GMDS: variants seen among roughly 807,000 people sequenced by gnomAD.
The protein encoded by GMDS is GDP-mannose 4,6-dehydratase.
Under a neutral mutation model 49.9 loss-of-function variants are expected in GMDS, and 20 were observed. That is an observed-to-expected ratio of 0.40 (90% confidence interval 0.28 to 0.58). The LOEUF is 0.58. GMDS is among the 20% of genes least tolerant of loss of function. The pLI, the probability that GMDS is intolerant of heterozygous loss-of-function variation, is 0.42. For synonymous variants in GMDS, 177 were observed against 178.6 expected (o/e 0.99, Z 0.07); for missense variants, 362 against 481.4 (o/e 0.75, Z 2.32).
At chr6:2,145,401 G>C (rs1273596460) in intron 1 of GMDS, among the ~76,000 whole-genome samples, 1 of 152,012 alleles carries the variant, frequency 6.6e-6, no homozygotes, top group Admixed American at 6.5e-5. Flanking sequence ...AGCCGGGCGT[G>C]GTGGTGGATG....
chr6:1,637,389 G>T (rs11967512), intron 9 of GMDS, among the ~76,000 whole-genome samples: 4,593 of 152,330 alleles, frequency 0.03, 204 homozygotes, highest in African/African-American at 0.1. Flanking sequence ...CTCAGTTCTG[G>T]TGTGCTGAAC....
chr6:1,946,610 G>T (rs1763085024), intron 6 of GMDS, among the ~76,000 whole-genome samples: 1 of 152,170 alleles, frequency 6.6e-6, no homozygotes, highest in South Asian at 2.1e-4. Context: ...AAGAATTTGT[G>T]TTTAAAAATT....
chr6:1,719,673 T>A (rs1190920524), intron 9 of GMDS, among the ~76,000 whole-genome samples: 2 of 151,178 alleles, frequency 1.3e-5, no homozygotes, highest in Non-Finnish European at 2.9e-5. Flanking sequence ...ACAGAGGTCA[T>A]CGGCCAAAGA....
At chr6:1,702,630 A>T (rs1002484493) in intron 9 of GMDS, among the ~76,000 whole-genome samples, 7 of 152,236 alleles carry the variant, frequency 4.6e-5, no homozygotes, top group Admixed American at 2.0e-4. Context: ...CTGTGGTGGC[A>T]TTAATACTAC....
At chr6:1,845,284 T>C (rs898137626) in intron 7 of GMDS, among the ~76,000 whole-genome samples, 1 of 152,174 alleles carries the variant, frequency 6.6e-6, no homozygotes, top group Admixed American at 6.5e-5. Flanking sequence ...GTGTAATGGG[T>C]TTCACGGTCA....
In GMDS at chr6:2,141,865, G is replaced by GCTCTCTCTCT. The variant is rs67628075; in HGVS notation, c.103-17144_103-17135dup. On this transcript the variant is annotated intron_variant, in intron 1 of 10. Coordinates refer to ENST00000380815, the MANE Select transcript of GMDS (RefSeq NM_001500.4). ...TCTGGGTTTGGTTTTGGTTGTGCGT[G>GCTCTCTCTCT]CTCTCTCTCTCTCTCTCTCTCTCTC... Among the ~76,000 whole-genome samples the GCTCTCTCTCT allele has an allele frequency of 3.2e-3, 459 of 145,684 alleles. 2 individuals are homozygous for GCTCTCTCTCT. The highest frequency in any genetic ancestry group is 0.011 in the African/African-American group (423 of 38,656).
intron 9 of GMDS, among the ~76,000 whole-genome samples, chr6:1,680,427 C>A (rs528378620): frequency 6.6e-6 from 1 of 152,346 alleles, no homozygotes; most frequent in South Asian, 2.1e-4. Flanking sequence ...CCCCAACTAT[C>A]AGCATTTGCC....
chr6:2,154,710 G>GC (rs1777014970), intron 1 of GMDS, among the ~76,000 whole-genome samples: 1 of 151,524 alleles, frequency 6.6e-6, no homozygotes, highest in African/African-American at 2.4e-5. Flanking sequence ...ATAAACATAT[G>GC]CCCAGATATG....
chr6:1,739,622 G>T (rs536725431), intron 8 of GMDS, among the ~76,000 whole-genome samples: 11 of 152,340 alleles, frequency 7.2e-5, no homozygotes, highest in Admixed American at 5.2e-4. Flanking sequence ...GACCCACAAG[G>T]GCCAGCCACA....
chr6:1,809,819 G>C (rs879371790), intron 7 of GMDS, among the ~76,000 whole-genome samples: 2 of 152,086 alleles, frequency 1.3e-5, no homozygotes, highest in Admixed American at 1.3e-4. Flanking sequence ...GGAGAGTGAT[G>C]CAACAACCAC....
chr6:1,644,411 G>A (rs1299744223), intron 9 of GMDS, among the ~76,000 whole-genome samples: 1 of 152,218 alleles, frequency 6.6e-6, no homozygotes, highest in East Asian at 1.9e-4. Flanking sequence ...TAAATAGGCT[G>A]CATATGAGCC....
chr6:2,183,303 CATTAACATAAGTTTGGAACTT>C lies in GMDS; in HGVS notation c.103-58593_103-58573del, dbSNP rs565863255. Among the ~76,000 whole-genome samples, 162 of 152,222 alleles carry C rather than the reference CATTAACATAAGTTTGGAACTT, an allele frequency of 1.1e-3. 1 individual carries two copies. Among genetic ancestry groups the C allele is most frequent in the African/African-American group, 2.7e-3 (112 of 41,522 alleles). On this transcript the variant is annotated intron_variant, in intron 1 of 10. Transcript: ENST00000380815. Reference sequence around the variant, plus strand: ...TCATGGAAAAGGGTCAAAATAGCAACATTAACATAAGTTTGGAACTTATTAACATAAGTTTGGAAGAAGTTG... The same window carrying C: ...TCATGGAAAAGGGTCAAAATAGCAACATTAACATAAGTTTGGAAGAAGTTG...
intron 7 of GMDS, among the ~76,000 whole-genome samples, chr6:1,856,360 A>G (rs1055874779): frequency 6.6e-6 from 1 of 151,914 alleles, no homozygotes; most frequent in Admixed American, 6.6e-5. Context: ...CCTACTTACA[A>G]CTCAGCAGCT....
chr6:2,032,617 A>G (rs533122339), intron 4 of GMDS, among the ~76,000 whole-genome samples: 1 of 152,308 alleles, frequency 6.6e-6, no homozygotes, highest in South Asian at 2.1e-4. Flanking sequence ...TATATATCAG[A>G]AAACAAAACA....
At chr6:2,060,995 C>T (rs1771117364) in intron 4 of GMDS, among the ~76,000 whole-genome samples, 1 of 148,996 alleles carries the variant, frequency 6.7e-6, no homozygotes, top group East Asian at 2.0e-4. Flanking sequence ...AGCCTGGCAA[C>T]AGAGCAAGAC....
At chr6:1,814,259 C>A (rs1052912847) in intron 7 of GMDS, among the ~76,000 whole-genome samples, 5 of 152,218 alleles carry the variant, frequency 3.3e-5, no homozygotes, top group African/African-American at 4.8e-5. Flanking sequence ...CAGAGACAGG[C>A]ACCTTCTCCA....
At chr6:2,230,937 T>TCCCCCCCC (rs1394372739) in intron 1 of GMDS, among the ~76,000 whole-genome samples, 4 of 20,590 alleles carry the variant, frequency 1.9e-4, no homozygotes, top group Non-Finnish European at 2.6e-4. Context: ...TCTTCCCCCC[T>TCCCCCCCC]CCCACCCCCC....
intron 9 of GMDS, among the ~76,000 whole-genome samples, chr6:1,680,108 T>C (rs758679161): frequency 2.2e-4 from 33 of 152,236 alleles, no homozygotes; most frequent in Non-Finnish European, 4.1e-4. Context: ...ACACTGAAAT[T>C]ACGCGCACTT....
At chr6:1,985,867 T>C (rs1217465070) in intron 4 of GMDS, among the ~76,000 whole-genome samples, 1 of 152,208 alleles carries the variant, frequency 6.6e-6, no homozygotes, top group Non-Finnish European at 1.5e-5. Context: ...AGAAGTTTAC[T>C]GGTCTTAAAA....
Sources: allele counts gnomAD v4.1 joint callset (sites outside exome capture counted in the v4.1 genomes callset), GRCh38; gene constraint gnomAD v4.1.1; transcripts MANE v1.5; gene names NCBI Gene and HGNC (gene_info 2026-07-23, HGNC 2026-07-21).